Variants in MARF1 observed in about 807,000 individuals in gnomAD.
MARF1 encodes the protein meiosis regulator and mRNA stability factor 1.
MARF1 carries 24 observed loss-of-function variants against 168.2 expected under a neutral mutation model. The observed-to-expected ratio is 0.14, with a 90% CI of 0.10 to 0.20. MARF1 has a LOEUF of 0.20. MARF1 is among the 10% of genes least tolerant of loss of function. The pLI, the probability that MARF1 is intolerant of heterozygous loss-of-function variation, is 1.00. For synonymous variants in MARF1, 868 were observed against 822.4 expected (o/e 1.06, Z -0.95); for missense variants, 1,744 against 2,143.6 (o/e 0.81, Z 3.68).
At position 15,596,895 on chromosome 16, in the gene MARF1, A is replaced by T. The variant is rs2031763279; in HGVS notation, c.5027T>A (p.Ile1676Lys). Residue 1676 changes from isoleucine to lysine, a missense_variant, in exon 27 of 27, where the codon ATA (isoleucine) becomes AAA (lysine). Coordinates refer to ENST00000396368, the MANE Select transcript of MARF1 (RefSeq NM_014647.4). ...LNQEEKMEIP[I>K]PGKSKTLTSD... ...GGTCAGAGTTTTGCTCTTTCCTGGT[A>T]TTGGAATCTCCATTTTTTCTTCTTG... is the stretch of plus-strand genomic sequence containing the variant. 3.1e-6 allele frequency: 5 copies of T among 1,610,898 alleles called. No homozygotes were observed. In the African/African-American group the frequency reaches 6.7e-5, roughly 22 times the overall value.
At chr16:15,638,156 C>T (rs2035718219) in intron 2 of MARF1, among the ~76,000 whole-genome samples, 1 of 151,846 alleles carries the variant, frequency 6.6e-6, no homozygotes, top group Admixed American at 6.6e-5. Flanking sequence ...TGAGCCGAGA[C>T]TCTGTCTCAA....
intron 22 of MARF1, among the ~76,000 whole-genome samples, chr16:15,603,095 G>T (rs2032667759): frequency 6.6e-6 from 1 of 152,192 alleles, no homozygotes; most frequent in Non-Finnish European, 1.5e-5. Flanking sequence ...TCCAGAACTG[G>T]TGTTCTTAGG....
intron 25 of MARF1, 124 bp from the exon 26 acceptor site, chr16:15,599,148 AGGT>A: frequency 1.7e-6 from 1 of 604,272 alleles, no homozygotes; most frequent in African/African-American, 2.2e-5. Context: ...GAAGTATTTA[AGGT>A]ATTAAAAAAA....
chr16:15,625,959 A>G (rs987972932), intron 7 of MARF1, among the ~76,000 whole-genome samples, 159 bp from the exon 8 acceptor site: 2 of 152,158 alleles, frequency 1.3e-5, no homozygotes, highest in Non-Finnish European at 2.9e-5. Flanking sequence ...AGTGTTGACA[A>G]AGTAACTGAA....
At position 15,610,635 on chromosome 16, in the gene MARF1, A is replaced by G. The variant is rs2033447465; in HGVS notation, c.3751+340T>C. Reference sequence around the variant, plus strand: ...TAAATAAAGTAGCTCAGAGTTCAACAGAAGAGCAAAGCCAACAGGCACGGT... The same window carrying G: ...TAAATAAAGTAGCTCAGAGTTCAACGGAAGAGCAAAGCCAACAGGCACGGT... On this transcript the variant is annotated intron_variant, in intron 19 of 26. Coordinates refer to ENST00000396368, the MANE Select transcript of MARF1 (RefSeq NM_014647.4). 1.9e-5 allele frequency: 4 copies of G among 212,230 alleles called. No individual in the cohort carries two copies. In the East Asian group the frequency reaches 4.7e-4, roughly 25 times the overall value. 13.1% of individuals were successfully genotyped at this position (212,230 alleles called of 1,614,324 possible). A position where few individuals can be genotyped will look rare whatever the true frequency, so the allele number is the denominator to read the frequency against.
intron 21 of MARF1, among the ~76,000 whole-genome samples, chr16:15,605,234 C>G (rs1244515138): frequency 1.3e-5 from 2 of 152,196 alleles, no homozygotes; most frequent in African/African-American, 2.4e-5. Flanking sequence ...CTCATCCTGA[C>G]AGCTTGTTTG....
At chr16:15,616,916 T>G (rs775641194) in intron 15 of MARF1, 136 bp downstream of exon 15, 1 of 1,290,428 alleles carries the variant, frequency 7.7e-7, no homozygotes, top group Admixed American at 2.3e-5. Context: ...TGACTGTACT[T>G]TGACTGAAGG....
chr16:15,623,194 T>C, intron 10 of MARF1, 71 bp from the exon 11 acceptor site: 1 of 1,262,492 alleles, frequency 7.9e-7, no homozygotes, highest in Non-Finnish European at 1.1e-6. Context: ...TCATTTAGGC[T>C]TTGTTTGAAA....
intron 17 of MARF1, 118 bp downstream of exon 17, chr16:15,612,439 G>A (rs2087984334): frequency 3.4e-6 from 3 of 874,322 alleles, no homozygotes; most frequent in Non-Finnish European, 5.7e-6. Flanking sequence ...AAAGTTTTTA[G>A]TGGATGTTCT....
At position 15,639,295 on chromosome 16, in the gene MARF1, T is replaced by G; in HGVS notation, c.-58-4A>C. Reference sequence around the variant, plus strand: ...TCTTTTCTTTCATTCTTCCACCCTGTTAAGAATGAGTAAGATTTCAGTGTT... The same window carrying G: ...TCTTTTCTTTCATTCTTCCACCCTGGTAAGAATGAGTAAGATTTCAGTGTT... On this transcript the variant is annotated splice_polypyrimidine_tract_variant and splice_region_variant and intron_variant, in intron 1 of 26. Transcript: ENST00000396368. The G allele has an allele frequency of 3.9e-6, 6 of 1,528,716 alleles. No individual in the cohort carries two copies. Among genetic ancestry groups the G allele is most frequent in the Non-Finnish European group, 4.4e-6 (5 of 1,128,142 alleles). 94.7% of individuals were successfully genotyped at this position (1,528,716 alleles called of 1,614,324 possible).
At chr16:15,610,928 T>C (rs1276524604) in intron 19 of MARF1, 47 bp downstream of exon 19, 1 of 1,580,206 alleles carries the variant, frequency 6.3e-7, no homozygotes. Flanking sequence ...TATGTTAAAA[T>C]AACAGGAGAT....
Position 15,617,539 on chromosome 16 carries a change from AAAGC to A in MARF1, c.2721-8_2721-5del, listed in dbSNP as rs1398146108. Reference sequence around the variant, plus strand: ...CACATTCAACTTGTGTCCAAACCTAAAAGCAAGAGAAGAGAGACGCTGACTTAGA... The same window carrying A: ...CACATTCAACTTGTGTCCAAACCTAAAAGAGAAGAGAGACGCTGACTTAGA... On this transcript the variant is annotated splice_region_variant and splice_polypyrimidine_tract_variant and intron_variant, in intron 13 of 26. Coordinates refer to ENST00000396368, the MANE Select transcript of MARF1 (RefSeq NM_014647.4). The A allele has an allele frequency of 1.3e-6, 2 of 1,592,988 alleles. No homozygotes were observed. Among genetic ancestry groups the A allele is most frequent in the South Asian group, 2.2e-5 (2 of 89,826 alleles).
chr16:15,613,803 G>C (rs1396689275), intron 16 of MARF1, among the ~76,000 whole-genome samples: 1 of 152,140 alleles, frequency 6.6e-6, no homozygotes, highest in Non-Finnish European at 1.5e-5. Context: ...GAAAAGAAAG[G>C]AGGTGTCCCG....
intron 18 of MARF1, 25 bp downstream of exon 18, chr16:15,611,567 A>C (rs1378348284): frequency 6.2e-7 from 1 of 1,603,600 alleles, no homozygotes; most frequent in Middle Eastern, 1.7e-4. Flanking sequence ...ATTTACTTTC[A>C]TTTCTGTTCT....
chr16:15,619,133 T>G (rs146788722), intron 13 of MARF1, among the ~76,000 whole-genome samples: 232 of 152,158 alleles, frequency 1.5e-3, no homozygotes, highest in Middle Eastern at 6.8e-3. Context: ...AAATATTAAC[T>G]GGGCAGGATG....
rs1596522688 is a variant in MARF1, at chr16:15,642,293, C to T, written c.-59+725G>A. ...TCTTTCTCCCCCATTAGGCTATAAA[C>T]TCCATGACAGCAGAGACTATGTTTT... On this transcript the variant is annotated intron_variant, in intron 1 of 26. Coordinates refer to ENST00000396368, the MANE Select transcript of MARF1 (RefSeq NM_014647.4). Among the ~76,000 whole-genome samples, 3 of 152,186 alleles carry T rather than the reference C, an allele frequency of 2.0e-5. No individual in the cohort carries two copies. The South Asian group carries it at 6.2e-4, about 31-fold the overall frequency.
Position 15,617,171 on chromosome 16 carries a change from G to A in MARF1, c.2958C>T (p.Ser986=), listed in dbSNP as rs200564587. 15 of 1,613,562 alleles carry A rather than the reference G, an allele frequency of 9.3e-6. No individual in the cohort carries two copies. In the South Asian group the frequency reaches 1.2e-4, roughly 13 times the overall value. ...CRQHCSNKDF[S]EHEFDPDSYK... ...AAGAGTCTGGATCAAATTCATGTTC[G>A]CTGAAGAAAAGAGAACACAATTGGA... The change falls in exon 15 of 27, where the codon AGC becomes AGT. Residue 986 remains serine, a splice_region_variant and synonymous_variant. Transcript: ENST00000396368.
At chr16:15,603,212 G>A (rs938483115) in intron 22 of MARF1, among the ~76,000 whole-genome samples, 2 of 152,122 alleles carry the variant, frequency 1.3e-5, no homozygotes, top group Non-Finnish European at 2.9e-5. Flanking sequence ...TAAATTGCTG[G>A]AGCTCATTTG....
At chr16:15,601,700 C>A in intron 23 of MARF1, 1 of 511,816 alleles carries the variant, frequency 2.0e-6, no homozygotes, top group South Asian at 2.3e-5. Flanking sequence ...GCCCTGACCG[C>A]CCTGACTAGT....
Sources: allele counts gnomAD v4.1 joint callset (sites outside exome capture counted in the v4.1 genomes callset), GRCh38; gene constraint gnomAD v4.1.1; transcripts MANE v1.5; gene names NCBI Gene and HGNC (gene_info 2026-07-23, HGNC 2026-07-21).